Variants in ADPGK observed in about 807,000 individuals in gnomAD.
ADPGK encodes ADP-dependent glucokinase.
In ADPGK, 26 loss-of-function variants were observed where a neutral mutation model predicts 42.4. That is an observed-to-expected ratio of 0.61 (90% CI 0.45 to 0.85). ADPGK has a LOEUF of 0.85. Among genes scored for constraint, ADPGK ranks in the 40% least tolerant of loss-of-function variants. ADPGK has a pLI of 0.00. For synonymous variants in ADPGK, 267 were observed against 252.6 expected (o/e 1.06, Z -0.54); for missense variants, 571 against 627.0 (o/e 0.91, Z 0.95).
Position 72,783,500 on chromosome 15 carries a change from A to G in ADPGK, c.192T>C (p.Leu64=). 1 of 1,455,696 alleles carries G rather than the reference A, an allele frequency of 6.9e-7. No homozygotes were observed. Among genetic ancestry groups the G allele is most frequent in the Non-Finnish European group, 9.0e-7 (1 of 1,110,890 alleles). The allele number at this position is 1,455,696 out of a possible 1,614,324, so 90.2% of individuals were successfully genotyped here. ...EGRLAAAWDA[L]IVRPVRRWRR... ...GCCAGCGCCGGACTGGCCGCACGATAAGCGCGTCCCAGGCTGCCGCCAACC... is the reference window on the plus strand; with the variant it reads ...GCCAGCGCCGGACTGGCCGCACGATGAGCGCGTCCCAGGCTGCCGCCAACC... The change falls in exon 1 of 7, where the codon CTT becomes CTC. Residue 64 remains leucine, a synonymous_variant. Transcript: ENST00000456471.
intron 4 of ADPGK, among the ~76,000 whole-genome samples, chr15:72,759,707 C>T (rs2066168413): frequency 1.3e-5 from 2 of 152,142 alleles, no homozygotes; most frequent in Non-Finnish European, 2.9e-5. Context: ...GAATCAGAAA[C>T]TCAAGAGTCT....
chr15:72,760,994 A>C (rs12594667), intron 3 of ADPGK, among the ~76,000 whole-genome samples: 19,608 of 151,814 alleles, frequency 0.13, 1,932 homozygotes, highest in East Asian at 0.52. Context: ...AGAGAGAGAG[A>C]TCAATCTCTC....
At position 72,760,452 on chromosome 15, in the gene ADPGK, AT is replaced by A; in HGVS notation, c.597del (p.Leu200CysfsTer11). ...LDDNVFVPPE[S>X]LQEVDEFHLI... is the part of the protein sequence containing the mutation. ...AGGTGGAACTCATCCACTTCCTGCA[AT>A]GACTCTGGTGGAACAAAGACATTGT... On this transcript the variant is annotated frameshift_variant, in exon 4 of 7. Transcript: ENST00000456471. LOFTEE classifies it high-confidence loss of function. 1 of 1,610,880 alleles carries A rather than the reference AT, an allele frequency of 6.2e-7. No homozygotes were observed. The highest frequency in any genetic ancestry group is 1.3e-5 in the African/African-American group (1 of 74,880).
chr15:72,779,244 GTTTTT>G lies in ADPGK; in HGVS notation c.234-4152_234-4148del, dbSNP rs35321622. Among the ~76,000 whole-genome samples the G allele has an allele frequency of 1.1e-3, 113 of 107,224 alleles. 1 individual carries two copies. The highest frequency in any genetic ancestry group is 3.7e-3 in the African/African-American group (101 of 27,260). 70.3% of individuals were successfully genotyped at this position (107,224 alleles called of 152,430 possible). A position where few individuals can be genotyped will look rare whatever the true frequency, so the allele number is the denominator to read the frequency against. On this transcript the variant is annotated intron_variant, in intron 1 of 6. Transcript: ENST00000456471. Reference sequence around the variant, plus strand: ...AGGGGCAATAAATATTAGCATGAGGGTTTTTTTTTTTTTTTTTTTTTGAGATAGAG... The same window carrying G: ...AGGGGCAATAAATATTAGCATGAGGGTTTTTTTTTTTTTTTTGAGATAGAG...
chr15:72,774,714 C>CT (rs1308211062), intron 2 of ADPGK, among the ~76,000 whole-genome samples, 158 bp downstream of exon 2: 2 of 152,316 alleles, frequency 1.3e-5, no homozygotes, highest in Non-Finnish European at 2.9e-5. Context: ...ATGCTCAAGT[C>CT]TGAGAACCAT....
chr15:72,760,253 G>T, intron 4 of ADPGK, 154 bp downstream of exon 4: 1 of 937,452 alleles, frequency 1.1e-6, no homozygotes, highest in African/African-American at 1.7e-5. Context: ...GCCAGTATCA[G>T]CTCAGTAGAA....
chr15:72,756,605 C>A, intron 4 of ADPGK, 158 bp from the exon 5 acceptor site: 1 of 739,524 alleles, frequency 1.4e-6, no homozygotes. Context: ...GTCAGCATGG[C>A]ACTGCAAGAA....
At chr15:72,760,643 G>A in intron 3 of ADPGK, 116 bp from the exon 4 acceptor site, 1 of 1,325,248 alleles carries the variant, frequency 7.5e-7, no homozygotes, top group South Asian at 1.9e-5. Flanking sequence ...CAAAATATTG[G>A]AATCCAAATC....
intron 2 of ADPGK, among the ~76,000 whole-genome samples, chr15:72,772,649 G>C (rs1019396126): frequency 6.6e-6 from 1 of 152,028 alleles, no homozygotes; most frequent in African/African-American, 2.4e-5. Context: ...TTCGGGGCAG[G>C]GACTGTCTTC....
intron 3 of ADPGK, among the ~76,000 whole-genome samples, chr15:72,761,332 T>A (rs2066190405): frequency 6.6e-6 from 1 of 152,214 alleles, no homozygotes; most frequent in Non-Finnish European, 1.5e-5. Flanking sequence ...TAAAAAAAGT[T>A]TCTGGATCAC....
chr15:72,780,522 T>C (rs1034395164), intron 1 of ADPGK, among the ~76,000 whole-genome samples: 1 of 152,142 alleles, frequency 6.6e-6, no homozygotes, highest in African/African-American at 2.4e-5. Flanking sequence ...CTGGGCTGGG[T>C]GTGGAATCAC....
At position 72,752,352 on chromosome 15, in the gene ADPGK, G is replaced by A. The variant is rs2066055702; in HGVS notation, c.1483C>T (p.Pro495Ser). The A allele has an allele frequency of 3.1e-6, 5 of 1,612,206 alleles. No homozygotes were observed. The highest frequency in any genetic ancestry group is 4.2e-6 in the Non-Finnish European group (5 of 1,178,572). Reference protein sequence around the residue: ...AEGLFYSEVHPHY With the variant: ...AEGLFYSEVHSHY Reference sequence around the variant, plus strand: ...CCCTAAGAATCTTCCTAATAGTGAGGGTGTACTTCCGAATAGAAGAGTCCT... The same window carrying A: ...CCCTAAGAATCTTCCTAATAGTGAGAGTGTACTTCCGAATAGAAGAGTCCT... The change falls in exon 7 of 7, where the codon CCT (proline) becomes TCT (serine). Residue 495 changes from proline (P) to serine (S), a missense_variant. Physicochemically the swap from Pro to Ser is moderately conservative, Grantham distance 74 (BLOSUM62 -1). Around this residue, in one of 2 missense-constraint regions of ADPGK, gnomAD observed 434 missense variants for 522.7 expected, o/e 0.83. Coordinates refer to ENST00000456471, the MANE Select transcript of ADPGK (RefSeq NM_001365225.1).
chr15:72,777,603 G>A (rs778647831), intron 1 of ADPGK, among the ~76,000 whole-genome samples: 1 of 151,802 alleles, frequency 6.6e-6, no homozygotes, highest in Non-Finnish European at 1.5e-5. Flanking sequence ...GCTTGAACCC[G>A]GGAGGTGGAG....
At position 72,783,658 on chromosome 15, in the gene ADPGK, A is replaced by T. The variant is rs1200155862; in HGVS notation, c.34T>A (p.Phe12Ile). The part of the protein sequence containing the change: ...ALWRGSAYAG[F>I]LALAVGCVFL... Reference sequence around the variant, plus strand: ...ACGCAGCCCACGGCCAGCGCCAGGAAGCCCGCGTACGCGGAGCCGCGCCAC... The same window carrying T: ...ACGCAGCCCACGGCCAGCGCCAGGATGCCCGCGTACGCGGAGCCGCGCCAC... The change falls in exon 1 of 7, where the codon TTC (phenylalanine) becomes ATC (isoleucine). Residue 12 changes from phenylalanine to isoleucine, a missense_variant. Physicochemically the swap from Phe to Ile is conservative, Grantham distance 21. Coordinates refer to ENST00000456471, the MANE Select transcript of ADPGK (RefSeq NM_001365225.1). The T allele has an allele frequency of 6.6e-6, 10 of 1,507,506 alleles. No individual in the cohort carries two copies. The East Asian group carries it at 1.3e-4, about 20-fold the overall frequency. The allele number at this position is 1,507,506 out of a possible 1,614,324, so 93.4% of individuals were successfully genotyped here. A position where few individuals can be genotyped will look rare whatever the true frequency, so the allele number is the denominator to read the frequency against.
intron 1 of ADPGK, among the ~76,000 whole-genome samples, chr15:72,782,232 G>A (rs1444179253): frequency 6.6e-6 from 1 of 152,096 alleles, no homozygotes; most frequent in Non-Finnish European, 1.5e-5. Flanking sequence ...CTGAATGAAC[G>A]CGCATAAAGC....
intron 1 of ADPGK, among the ~76,000 whole-genome samples, chr15:72,782,417 C>A (rs2066471187): frequency 6.7e-6 from 1 of 150,132 alleles, no homozygotes; most frequent in Non-Finnish European, 1.5e-5. Context: ...CCCAGCTACT[C>A]CAGAGGCTGA....
chr15:72,782,441 CTT>C (rs1291264682), intron 1 of ADPGK, among the ~76,000 whole-genome samples: 1 of 140,850 alleles, frequency 7.1e-6, no homozygotes, highest in Non-Finnish European at 1.5e-5. Context: ...AGAAGGATCT[CTT>C]GAGCTCGGGA....
intron 1 of ADPGK, among the ~76,000 whole-genome samples, chr15:72,776,296 C>T (rs1451251034): frequency 6.6e-6 from 1 of 152,136 alleles, no homozygotes; most frequent in Admixed American, 6.5e-5. Context: ...CGCCCCTACC[C>T]CTATCATGGT....
intron 3 of ADPGK, among the ~76,000 whole-genome samples, chr15:72,766,164 AT>A (rs996216738): frequency 9.9e-5 from 15 of 151,260 alleles, no homozygotes; most frequent in Non-Finnish European, 1.3e-4. Context: ...ATTAAAAAAA[AT>A]TTTTTTTTAG....
Sources: allele counts gnomAD v4.1 joint callset (sites outside exome capture counted in the v4.1 genomes callset), GRCh38; gene constraint gnomAD v4.1.1; regional missense constraint gnomAD v4.1.1; transcripts MANE v1.5; gene names NCBI Gene and HGNC (gene_info 2026-07-23, HGNC 2026-07-21).